Variants in MAML2 observed in about 807,000 individuals in gnomAD.
MAML2 encodes the protein mastermind-like protein 2.
Under a neutral mutation model 96.1 loss-of-function variants are expected in MAML2, and 22 were observed. The ratio of observed to expected loss-of-function variants is 0.23; its 90% CI spans 0.16 to 0.33. MAML2 has a LOEUF of 0.33. MAML2 is among the 10% of genes least tolerant of loss of function. MAML2 has a pLI of 1.00. For missense variants in MAML2, 1,367 were observed against 1,392.4 expected (o/e 0.98, Z 0.29); for synonymous variants, 561 against 521.3 (o/e 1.08, Z -1.04).
intron 1 of MAML2, among the ~76,000 whole-genome samples, chr11:96,097,724 G>A (rs116076744): frequency 0.024 from 3,702 of 151,870 alleles, 156 homozygotes; most frequent in African/African-American, 0.084. Context: ...AAGGAATAAG[G>A]GGCTTCAAAG....
chr11:96,100,340 C>T (rs1283039941), intron 1 of MAML2, among the ~76,000 whole-genome samples: 1 of 150,980 alleles, frequency 6.6e-6, no homozygotes, highest in Non-Finnish European at 1.5e-5. Context: ...GATGGAGTCT[C>T]ACTCTCTCGC....
intron 2 of MAML2, among the ~76,000 whole-genome samples, chr11:96,062,430 G>A (rs1859178225): frequency 6.6e-6 from 1 of 152,178 alleles, no homozygotes; most frequent in South Asian, 2.1e-4. Flanking sequence ...GCTTACATAG[G>A]CATCCAGCTG....
chr11:96,187,742 C>T (rs977308719), intron 1 of MAML2, among the ~76,000 whole-genome samples: 1 of 149,768 alleles, frequency 6.7e-6, no homozygotes, highest in African/African-American at 2.5e-5. Context: ...TGCAGTGAGC[C>T]GAGATCGTGC....
At chr11:96,255,471 C>T (rs1302193685) in intron 1 of MAML2, among the ~76,000 whole-genome samples, 1 of 152,224 alleles carries the variant, frequency 6.6e-6, no homozygotes, top group African/African-American at 2.4e-5. Flanking sequence ...AATCAACACA[C>T]ATTCCCAATC....
At chr11:95,980,836 T>C (rs557903868) in intron 4 of MAML2, among the ~76,000 whole-genome samples, 1 of 152,228 alleles carries the variant, frequency 6.6e-6, no homozygotes, top group Non-Finnish European at 1.5e-5. Context: ...CAATAACTGA[T>C]AGGATATTGA....
At chr11:96,295,184 A>G (rs2135994204) in intron 1 of MAML2, among the ~76,000 whole-genome samples, 1 of 152,326 alleles carries the variant, frequency 6.6e-6, no homozygotes, top group East Asian at 1.9e-4. Flanking sequence ...TTTAATTTCT[A>G]TTACTAATTC....
intron 2 of MAML2, among the ~76,000 whole-genome samples, chr11:96,017,869 C>T (rs79256676): frequency 0.017 from 2,519 of 152,142 alleles, 45 homozygotes; most frequent in East Asian, 0.06. Context: ...TGTGGGGCTT[C>T]GTAGGCAACT....
At chr11:96,140,422 C>T (rs545377449) in intron 1 of MAML2, among the ~76,000 whole-genome samples, 16 of 152,280 alleles carry the variant, frequency 1.1e-4, no homozygotes, top group African/African-American at 3.6e-4. Flanking sequence ...TAGTTTTGGG[C>T]TAAGGCACAG....
intron 1 of MAML2, among the ~76,000 whole-genome samples, chr11:96,263,944 C>T (rs1389024737): frequency 6.6e-6 from 1 of 152,130 alleles, no homozygotes; most frequent in Non-Finnish European, 1.5e-5. Flanking sequence ...AACAGACCTC[C>T]TTAGGGGGAT....
intron 1 of MAML2, among the ~76,000 whole-genome samples, chr11:96,230,303 A>G (rs996848199): frequency 1.1e-4 from 17 of 152,306 alleles, no homozygotes; most frequent in Admixed American, 9.8e-4. Flanking sequence ...TCAAAGATTT[A>G]TATGTTTTGC....
Position 96,073,965 on chromosome 11 carries a change from G to A in MAML2, c.2139+17927C>T, listed in dbSNP as rs149552644. Among the ~76,000 whole-genome samples the A allele has an allele frequency of 9.3e-4, 142 of 152,256 alleles. 1 individual carries two copies. Among genetic ancestry groups the A allele is most frequent in the African/African-American group, 2.9e-3 (122 of 41,554 alleles). ...ATTCATGCAAGGGATTTACCAAACC[G>A]TTAAATTTATTCACTTTTCAAGGAC... On this transcript the variant is annotated intron_variant, in intron 2 of 4. Transcript: ENST00000524717.
chr11:96,158,936 G>A (rs1223708640), intron 1 of MAML2, among the ~76,000 whole-genome samples: 5 of 152,090 alleles, frequency 3.3e-5, no homozygotes, highest in Admixed American at 6.6e-5. Flanking sequence ...TGTGCCTTTG[G>A]GCCCCTCTAA....
intron 1 of MAML2, among the ~76,000 whole-genome samples, chr11:96,233,382 T>G (rs557747021): frequency 9.7e-5 from 14 of 144,244 alleles, no homozygotes; most frequent in African/African-American, 3.6e-4. Flanking sequence ...CATTCATGTG[T>G]TTTCCCTACT....
intron 1 of MAML2, among the ~76,000 whole-genome samples, chr11:96,294,607 C>T (rs1863264053): frequency 6.6e-6 from 1 of 152,170 alleles, no homozygotes; most frequent in African/African-American, 2.4e-5. Context: ...GTATAGTAAA[C>T]AAATATTTCA....
chr11:96,220,327 C>T lies in MAML2; in HGVS notation c.513+121056G>A, dbSNP rs146832095. 5.9e-5 allele frequency among the ~76,000 whole-genome samples: 9 copies of T among 152,184 alleles called. No individual in the cohort carries two copies. In the East Asian group the frequency reaches 1.5e-3, roughly 26 times the overall value. Reference sequence around the variant, plus strand: ...CAGATTTAAGCCACTGCCTTGTGCTCTGCTTGGGATTATGTGAGAAGCAGG... The same window carrying T: ...CAGATTTAAGCCACTGCCTTGTGCTTTGCTTGGGATTATGTGAGAAGCAGG... On this transcript the variant is annotated intron_variant, in intron 1 of 4. Transcript: ENST00000524717.
At chr11:96,223,705 G>A (rs968763734) in intron 1 of MAML2, among the ~76,000 whole-genome samples, 4 of 151,802 alleles carry the variant, frequency 2.6e-5, no homozygotes, top group South Asian at 2.1e-4. Flanking sequence ...ATTTTTTTCG[G>A]ATCCTCTCTC....
At chr11:96,234,109 C>G (rs1175969013) in intron 1 of MAML2, among the ~76,000 whole-genome samples, 5 of 152,176 alleles carry the variant, frequency 3.3e-5, no homozygotes, top group Non-Finnish European at 5.9e-5. Context: ...ATAGCAGAAC[C>G]CTGTATGTGT....
At position 95,976,960 on chromosome 11, in the gene MAML2, C is replaced by T. The variant is rs1339312805; in HGVS notation, c.*1988G>A. On this transcript the variant is annotated 3_prime_UTR_variant, in exon 5 of 5. Coordinates refer to ENST00000524717, the MANE Select transcript of MAML2 (RefSeq NM_032427.4). ...TGCACAGCAGAAGAATCAAATAAGA[C>T]ACAAGAACTATGGGTTTAAAAAAGA... 2 of 198,508 alleles carry T rather than the reference C, an allele frequency of 1.0e-5. No individual in the cohort carries two copies. The allele number at this position is 198,508 out of a possible 1,614,324, so 12.3% of individuals were successfully genotyped here. A position where few individuals can be genotyped will look rare whatever the true frequency, so the allele number is the denominator to read the frequency against.
At position 96,317,001 on chromosome 11, in the gene MAML2, T is replaced by A. The variant is rs569366982; in HGVS notation, c.513+24382A>T. Among the ~76,000 whole-genome samples, 4 of 152,294 alleles carry A rather than the reference T, an allele frequency of 2.6e-5. No individual in the cohort carries two copies. In the East Asian group the frequency reaches 7.7e-4, roughly 29 times the overall value. ...TCTGGTGGACACTTTATTTAAGAGT[T>A]AAGCACTCAGTGTCTTGGCGCTCAT... On this transcript the variant is annotated intron_variant, in intron 1 of 4. Transcript: ENST00000524717.
Sources: allele counts gnomAD v4.1 joint callset (sites outside exome capture counted in the v4.1 genomes callset), GRCh38; gene constraint gnomAD v4.1.1; transcripts MANE v1.5; gene names NCBI Gene and HGNC (gene_info 2026-07-23, HGNC 2026-07-21).